Variants in DACH2 observed in about 807,000 individuals in gnomAD.
The protein encoded by DACH2 is dachshund homolog 2.
DACH2 carries 17 observed loss-of-function variants against 35.8 expected under a neutral mutation model. The observed-to-expected ratio is 0.48, with a 90% confidence interval of 0.33 to 0.71. DACH2 has a LOEUF of 0.71. Ranked by LOEUF, DACH2 falls within the 30% of genes least tolerant of loss-of-function variation. The pLI is 0.02. For synonymous variants in DACH2, 195 were observed against 177.3 expected (o/e 1.10, Z -0.79); for missense variants, 469 against 472.7 (o/e 0.99, Z 0.07).
intron 2 of DACH2, among the ~76,000 whole-genome samples, chrX:86,421,420 C>CAG (rs967295777): frequency 9.0e-6 from 1 of 111,035 alleles, no homozygotes; most frequent in Non-Finnish European, 1.9e-5. Context: ...CAATGACTGG[C>CAG]AGAAGATTTA....
intron 1 of DACH2, among the ~76,000 whole-genome samples, chrX:86,175,177 G>A (rs1307743753): frequency 8.9e-6 from 1 of 111,888 alleles, no homozygotes; most frequent in Admixed American, 9.5e-5. Context: ...AATCAGCAAA[G>A]AGCCTGACAA....
At chrX:86,825,114 C>G (rs2042550409) in intron 11 of DACH2, among the ~76,000 whole-genome samples, 1 of 111,900 alleles carries the variant, frequency 8.9e-6, no homozygotes, top group Non-Finnish European at 1.9e-5. Context: ...ATCAATTAGA[C>G]TTTTAAGAAA....
intron 1 of DACH2, among the ~76,000 whole-genome samples, chrX:86,152,760 TAATC>T (rs1400989789): frequency 8.9e-6 from 1 of 111,758 alleles, no homozygotes; most frequent in Non-Finnish European, 1.9e-5. Flanking sequence ...ATGATAAAAA[TAATC>T]AACACTAAAT....
chrX:86,781,472 T>C (rs1185126221), intron 7 of DACH2, among the ~76,000 whole-genome samples: 1 of 111,697 alleles, frequency 9.0e-6, no homozygotes, highest in East Asian at 2.8e-4. Context: ...TTTGCATAAC[T>C]TTCTAAACAG....
intron 4 of DACH2, among the ~76,000 whole-genome samples, chrX:86,656,983 A>G (rs1051258201): frequency 9.5e-6 from 1 of 105,027 alleles, no homozygotes; most frequent in African/African-American, 3.5e-5. Flanking sequence ...AAGTGAAGTA[A>G]GCCAGGCACG....
At chrX:86,232,458 G>C (rs764537591) in intron 1 of DACH2, among the ~76,000 whole-genome samples, 1 of 111,888 alleles carries the variant, frequency 8.9e-6, no homozygotes, top group African/African-American at 3.3e-5. Context: ...ATCTGACAAA[G>C]GTCTAGTATC....
chrX:86,745,008 A>G (rs2041696513), intron 7 of DACH2, among the ~76,000 whole-genome samples: 1 of 110,574 alleles, frequency 9.0e-6, no homozygotes, highest in South Asian at 3.8e-4. Flanking sequence ...TTTTTGTGAT[A>G]TTTTGCACTG....
intron 2 of DACH2, among the ~76,000 whole-genome samples, chrX:86,452,695 T>G (rs1005814800): frequency 5.4e-5 from 6 of 111,856 alleles, no homozygotes; most frequent in Admixed American, 9.5e-5. Flanking sequence ...TGATTGTGTT[T>G]GCTTCTTCTC....
chrX:86,495,842 G>C (rs1490290420), intron 2 of DACH2, among the ~76,000 whole-genome samples: 1 of 110,233 alleles, frequency 9.1e-6, no homozygotes, highest in Non-Finnish European at 1.9e-5. Flanking sequence ...AGTTCAAGCT[G>C]TGACCTTCTG....
chrX:86,303,545 G>C (rs2034616668), intron 1 of DACH2, among the ~76,000 whole-genome samples: 1 of 110,315 alleles, frequency 9.1e-6, no homozygotes, highest in Admixed American at 9.8e-5. Flanking sequence ...CAGTTAGTGG[G>C]GTACTGAAGA....
chrX:86,283,607 T>C (rs939332393), intron 1 of DACH2, among the ~76,000 whole-genome samples: 3 of 109,490 alleles, frequency 2.7e-5, no homozygotes, highest in African/African-American at 1.0e-4. Context: ...AAACTATCAT[T>C]CTCAGCAAAC....
intron 2 of DACH2, among the ~76,000 whole-genome samples, chrX:86,510,961 G>A (rs1420895198): frequency 8.9e-6 from 1 of 111,979 alleles, no homozygotes; most frequent in African/African-American, 3.2e-5. Flanking sequence ...ACTAAGATCA[G>A]TAATGCAATC....
intron 3 of DACH2, among the ~76,000 whole-genome samples, chrX:86,551,402 G>A (rs745760904): frequency 1.8e-5 from 2 of 111,682 alleles, no homozygotes; most frequent in East Asian, 5.7e-4. Flanking sequence ...ACAGCTTTTT[G>A]TCCCATGGTC....
chrX:86,698,735 C>T (rs1480919019), intron 5 of DACH2, among the ~76,000 whole-genome samples: 1 of 107,796 alleles, frequency 9.3e-6, no homozygotes, highest in African/African-American at 3.4e-5. Context: ...AGGGTTTTGC[C>T]ATGCTGCCTA....
rs2041053179 is a variant in DACH2 at position 86,695,191 on chromosome X, G to A, written c.931+12G>A. On this transcript the variant is annotated intron_variant, in intron 5 of 11. Coordinates refer to ENST00000373125, the MANE Select transcript of DACH2 (RefSeq NM_053281.3). ...CCTGCTAACCAATAGTATGTATACTGTCCTCACAAAACTGGGTGTGTTGAA... is the reference window on the plus strand; with the variant it reads ...CCTGCTAACCAATAGTATGTATACTATCCTCACAAAACTGGGTGTGTTGAA... 1.0e-6 allele frequency: 1 copy of A among 996,239 alleles called. No homozygotes were observed. The highest frequency in any genetic ancestry group is 1.3e-6 in the Non-Finnish European group (1 of 778,564). The allele number at this position is 996,239 out of a possible 1,213,427, so 82.1% of individuals were successfully genotyped here. A position where few individuals can be genotyped will look rare whatever the true frequency, so the allele number is the denominator to read the frequency against.
At chrX:86,357,564 G>A (rs888011712) in intron 1 of DACH2, among the ~76,000 whole-genome samples, 14 of 112,210 alleles carry the variant, frequency 1.2e-4, no homozygotes, top group Non-Finnish European at 2.3e-4. Context: ...TATCCTTTGA[G>A]TAAAATTCTG....
chrX:86,302,256 T>G (rs987720818), intron 1 of DACH2, among the ~76,000 whole-genome samples: 1 of 111,598 alleles, frequency 9.0e-6, no homozygotes, highest in Non-Finnish European at 1.9e-5. Flanking sequence ...AATCTTCCAG[T>G]TAATATAACT....
intron 2 of DACH2, among the ~76,000 whole-genome samples, chrX:86,490,479 T>C (rs1339858618): frequency 9.0e-6 from 1 of 111,175 alleles, no homozygotes; most frequent in Non-Finnish European, 1.9e-5. Flanking sequence ...CTCTAAGAAA[T>C]AGAAATGGAC....
At chrX:86,537,724 C>T (rs757469088) in intron 3 of DACH2, among the ~76,000 whole-genome samples, 2 of 111,608 alleles carry the variant, frequency 1.8e-5, no homozygotes, top group African/African-American at 3.3e-5. Context: ...TTCCACAAAG[C>T]CCTTTGGCAT....
Sources: gnomAD v4.1 joint callset for allele counts (sites outside exome capture counted in the v4.1 genomes callset) on GRCh38, gnomAD v4.1.1 for gene constraint, MANE v1.5 for transcripts, NCBI Gene and HGNC (gene_info 2026-07-23, HGNC 2026-07-21) for gene names.